The following PPP3CC variants were observed in gnomAD, a reference collection of about 807,000 sequenced individuals.
PPP3CC encodes protein phosphatase 3 catalytic subunit gamma.
Under a neutral mutation model 60.3 loss-of-function variants are expected in PPP3CC, and 35 were observed. That is an observed-to-expected ratio of 0.58 (90% CI 0.44 to 0.77). PPP3CC has a LOEUF of 0.77. Ranked by LOEUF, PPP3CC falls within the 30% of genes least tolerant of loss-of-function variation. The pLI is 0.00. For missense variants in PPP3CC, 570 were observed against 628.9 expected (o/e 0.91, Z 1.00); for synonymous variants, 206 against 224.3 (o/e 0.92, Z 0.73).
intron 6 of PPP3CC, among the ~76,000 whole-genome samples, chr8:22,516,723 A>G (rs1839255268): frequency 6.6e-6 from 1 of 152,148 alleles, no homozygotes; most frequent in African/African-American, 2.4e-5. Flanking sequence ...TTATTTAGTG[A>G]AAGATGTTTT....
intron 6 of PPP3CC, among the ~76,000 whole-genome samples, chr8:22,520,006 G>C (rs1330577526): frequency 6.6e-6 from 1 of 152,132 alleles, no homozygotes; most frequent in African/African-American, 2.4e-5. Flanking sequence ...CATAAGGCTG[G>C]TGTAGTCATG....
At chr8:22,511,322 C>T (rs1331727449) in intron 5 of PPP3CC, 91 bp downstream of exon 5, 6 of 1,351,770 alleles carry the variant, frequency 4.4e-6, no homozygotes. Context: ...CAGAGTCTCT[C>T]TCTTTCACCC....
chr8:22,493,180 C>T, intron 3 of PPP3CC: 2 of 1,217,216 alleles, frequency 1.6e-6, no homozygotes, highest in Non-Finnish European at 2.4e-6. Flanking sequence ...TATATTATGA[C>T]TGCTTTTTAA....
intron 3 of PPP3CC, among the ~76,000 whole-genome samples, chr8:22,478,133 AGCCACT>A (rs1837952771): frequency 1.3e-5 from 2 of 151,154 alleles, no homozygotes; most frequent in Admixed American, 1.3e-4. Flanking sequence ...TACAGGTGTG[AGCCACT>A]GCGCCTGGCA....
chr8:22,465,253 G>A (rs1837484642), intron 1 of PPP3CC, among the ~76,000 whole-genome samples: 1 of 152,072 alleles, frequency 6.6e-6, no homozygotes, highest in Admixed American at 6.6e-5. Context: ...GAGCCACTGG[G>A]CCTGGCCTTA....
chr8:22,537,457 G>A (rs573432997), intron 12 of PPP3CC, among the ~76,000 whole-genome samples: 1 of 152,268 alleles, frequency 6.6e-6, no homozygotes, highest in South Asian at 2.1e-4. Flanking sequence ...CACTGCTGGT[G>A]GAAATGTAAA....
rs1586866818 is a variant in PPP3CC, at chr8:22,527,401, T to G, written c.953T>G (p.Leu318Trp). 1 of 1,613,898 alleles carries G rather than the reference T, an allele frequency of 6.2e-7. No individual in the cohort carries two copies. Among genetic ancestry groups the G allele is most frequent in the Non-Finnish European group, 8.5e-7 (1 of 1,179,854 alleles). Residue 318 changes from leucine (L) to tryptophan (W), a missense_variant, in exon 9 of 14, where the codon TTG becomes TGG. Leu to Trp is a moderately conservative substitution (Grantham distance 61, BLOSUM62 -2). Transcript: ENST00000240139. ...LDVYNNKAAV[L>W]KYENNVMNIR... Reference sequence around the variant, plus strand: ...CTTTTTTCCTTTTTAGCTGCTGTGTTGAAATATGAAAACAATGTCATGAAT... The same window carrying G: ...CTTTTTTCCTTTTTAGCTGCTGTGTGGAAATATGAAAACAATGTCATGAAT...
chr8:22,534,825 G>T (rs1839809144), intron 12 of PPP3CC, among the ~76,000 whole-genome samples: 1 of 152,196 alleles, frequency 6.6e-6, no homozygotes, highest in African/African-American at 2.4e-5. Context: ...CAACATGGTT[G>T]AATCTCATAG....
At chr8:22,510,109 G>A (rs899900067) in intron 4 of PPP3CC, among the ~76,000 whole-genome samples, 1 of 151,396 alleles carries the variant, frequency 6.6e-6, no homozygotes, top group East Asian at 2.0e-4. Flanking sequence ...GCAAGAACCC[G>A]GAAGGCAGAG....
intron 3 of PPP3CC, among the ~76,000 whole-genome samples, chr8:22,480,234 A>G (rs951434649): frequency 1.3e-5 from 2 of 152,178 alleles, no homozygotes; most frequent in African/African-American, 4.8e-5. Flanking sequence ...TTAGGATACA[A>G]TAATCAGAAT....
At chr8:22,470,053 T>C (rs1339908760) in intron 1 of PPP3CC, among the ~76,000 whole-genome samples, 1 of 145,990 alleles carries the variant, frequency 6.8e-6, no homozygotes, top group Non-Finnish European at 1.5e-5. Context: ...GGGTGATATA[T>C]ATATATACAC....
At chr8:22,508,272 G>T (rs1304819106) in intron 4 of PPP3CC, among the ~76,000 whole-genome samples, 1 of 151,834 alleles carries the variant, frequency 6.6e-6, no homozygotes, top group Non-Finnish European at 1.5e-5. Flanking sequence ...TTTTTTAAAA[G>T]GTGGTATAAT....
intron 4 of PPP3CC, among the ~76,000 whole-genome samples, chr8:22,499,416 G>A (rs1406360772): frequency 5.4e-5 from 8 of 149,340 alleles, no homozygotes; most frequent in South Asian, 2.1e-4. Context: ...TCCGCAGTCC[G>A]GCCTGGGCAA....
At chr8:22,525,482 C>T (rs897025639) in intron 8 of PPP3CC, among the ~76,000 whole-genome samples, 6 of 144,104 alleles carry the variant, frequency 4.2e-5, no homozygotes, top group Non-Finnish European at 9.2e-5. Context: ...TTTCTTTCTG[C>T]TTCCTTTTCT....
Position 22,468,423 on chromosome 8 carries a change from T to G in PPP3CC, c.50-6531T>G, listed in dbSNP as rs151138209. Among the ~76,000 whole-genome samples, 10 of 152,346 alleles carry G rather than the reference T, an allele frequency of 6.6e-5. 1 individual carries two copies. The highest frequency in any genetic ancestry group is 2.2e-4 in the African/African-American group (9 of 41,580). Reference sequence around the variant, plus strand: ...CCTGGCCAGAAGTTGCTAGTCATTCTAAACTGGAAGCTTGACATAATATTT... The same window carrying G: ...CCTGGCCAGAAGTTGCTAGTCATTCGAAACTGGAAGCTTGACATAATATTT... On this transcript the variant is annotated intron_variant, in intron 1 of 13. Coordinates refer to ENST00000240139, the MANE Select transcript of PPP3CC (RefSeq NM_005605.5).
intron 1 of PPP3CC, among the ~76,000 whole-genome samples, chr8:22,455,691 G>A (rs925446363): frequency 6.6e-6 from 1 of 152,062 alleles, no homozygotes; most frequent in African/African-American, 2.4e-5. Flanking sequence ...TTATTACTTA[G>A]TTGGTTCTAG....
intron 6 of PPP3CC, among the ~76,000 whole-genome samples, chr8:22,521,166 A>G (rs1178827241): frequency 6.6e-6 from 1 of 152,130 alleles, no homozygotes; most frequent in Non-Finnish European, 1.5e-5. Flanking sequence ...GTTTGGGTTT[A>G]TGTTTGGGTC....
Position 22,522,516 on chromosome 8 carries a change from C to A in PPP3CC, c.796C>A (p.Gln266Lys), listed in dbSNP as rs892898169. Residue 266 changes from glutamine (Q) to lysine (K), a missense_variant, in exon 7 of 14, where the codon CAG (glutamine) becomes AAG (lysine). By Grantham distance (53) the Gln-to-Lys change is moderately conservative (BLOSUM62 1). Coordinates refer to ENST00000240139, the MANE Select transcript of PPP3CC (RefSeq NM_005605.5). ...YSYPAVCEFL[Q>K]NNNLLSIIRA... is the part of the protein sequence containing the mutation. Reference sequence around the variant, plus strand: ...TTACCCTGCAGTTTGTGAATTTTTGCAGAACAATAATTTACTATCAATTAT... The same window carrying A: ...TTACCCTGCAGTTTGTGAATTTTTGAAGAACAATAATTTACTATCAATTAT... 2.1e-5 allele frequency: 34 copies of A among 1,611,152 alleles called. No homozygotes were observed. Among genetic ancestry groups the A allele is most frequent in the Non-Finnish European group, 2.3e-5 (27 of 1,178,814 alleles).
intron 3 of PPP3CC, among the ~76,000 whole-genome samples, chr8:22,493,934 G>GT (rs1838485360): frequency 6.6e-6 from 1 of 152,180 alleles, no homozygotes; most frequent in South Asian, 2.1e-4. Flanking sequence ...AGTGCAGTAG[G>GT]TTTTTTTACA....
Sources: gnomAD v4.1 joint callset for allele counts (sites outside exome capture counted in the v4.1 genomes callset) on GRCh38, gnomAD v4.1.1 for gene constraint, MANE v1.5 for transcripts, NCBI Gene and HGNC (gene_info 2026-07-23, HGNC 2026-07-21) for gene names.